Variants in TIMELESS observed in about 807,000 individuals in gnomAD.
TIMELESS encodes the protein protein timeless homolog.
In TIMELESS, 124 loss-of-function variants were observed where a neutral mutation model predicts 164.3. The observed-to-expected ratio is 0.75, with a 90% CI of 0.65 to 0.88. TIMELESS has a LOEUF of 0.88. Among genes scored for constraint, TIMELESS ranks in the 40% least tolerant of loss-of-function variants. The pLI, the probability that TIMELESS is intolerant of heterozygous loss-of-function variation, is 0.00. For missense variants in TIMELESS, 1,422 were observed against 1,491.4 expected (o/e 0.95, Z 0.77); for synonymous variants, 564 against 563.4 (o/e 1.00, Z -0.02).
At chr12:56,447,958 A>G (rs1868394745) in intron 1 of TIMELESS, among the ~76,000 whole-genome samples, 1 of 152,168 alleles carries the variant, frequency 6.6e-6, no homozygotes, top group Admixed American at 6.5e-5. Flanking sequence ...CGTGGCCAGG[A>G]GTCAGGTGCG....
intron 13 of TIMELESS, among the ~76,000 whole-genome samples, chr12:56,427,364 C>T (rs1450233012): frequency 6.6e-6 from 1 of 152,154 alleles, no homozygotes; most frequent in Non-Finnish European, 1.5e-5. Flanking sequence ...CTCAAATGAT[C>T]CACCCACTGT....
intron 1 of TIMELESS, among the ~76,000 whole-genome samples, chr12:56,440,108 A>G (rs1478776277): frequency 6.6e-6 from 1 of 151,660 alleles, no homozygotes; most frequent in African/African-American, 2.4e-5. Context: ...ATAAAATATT[A>G]AATGTATTTG....
At chr12:56,446,804 C>G (rs1868357661) in intron 1 of TIMELESS, among the ~76,000 whole-genome samples, 1 of 142,416 alleles carries the variant, frequency 7.0e-6, no homozygotes, top group South Asian at 2.1e-4. Flanking sequence ...GAGCAAAACT[C>G]CATCTCAAAA....
At chr12:56,422,448 A>G (rs914730365) in intron 19 of TIMELESS, among the ~76,000 whole-genome samples, 2 of 152,176 alleles carry the variant, frequency 1.3e-5, no homozygotes, top group South Asian at 2.1e-4. Flanking sequence ...TGAGAATATT[A>G]TGGGAAAAAG....
intron 17 of TIMELESS, 48 bp downstream of exon 17, chr12:56,423,536 G>C (rs1881570992): frequency 6.2e-7 from 1 of 1,613,034 alleles, no homozygotes; most frequent in South Asian, 1.1e-5. Context: ...CATCCTCACA[G>C]CCGCACAATC....
At chr12:56,431,318 C>T (rs1565684385) in intron 8 of TIMELESS, among the ~76,000 whole-genome samples, 153 bp downstream of exon 8, 1 of 149,306 alleles carries the variant, frequency 6.7e-6, no homozygotes, top group Non-Finnish European at 1.5e-5. Flanking sequence ...CGTGCCAGTG[C>T]ACTCCAGCCT....
intron 5 of TIMELESS, 35 bp from the exon 6 acceptor site, chr12:56,433,162 G>A (rs1483192365): frequency 1.3e-6 from 2 of 1,596,614 alleles, no homozygotes; most frequent in Admixed American, 1.7e-5. Flanking sequence ...GAGACTCCCT[G>A]TGGAAGGCAG....
In TIMELESS at chr12:56,426,403, T is replaced by A. The variant is rs949144550; in HGVS notation, c.1579-1251A>T. Among the ~76,000 whole-genome samples, 8 of 150,170 alleles carry A rather than the reference T, an allele frequency of 5.3e-5. No homozygotes were observed. In the East Asian group the frequency reaches 1.4e-3, roughly 25 times the overall value. ...ACAAAATCTTTTTTTTTTTTTTTTT[T>A]AAGACAGAATTTCACTCTTGTTGCC... On this transcript the variant is annotated intron_variant, in intron 13 of 28. Coordinates refer to ENST00000553532, the MANE Select transcript of TIMELESS (RefSeq NM_003920.5).
intron 26 of TIMELESS, among the ~76,000 whole-genome samples, chr12:56,419,805 T>G (rs1020707256): frequency 1.7e-4 from 26 of 150,896 alleles, no homozygotes; most frequent in African/African-American, 6.3e-4. Context: ...TAAACAATAA[T>G]ACACAGCCTG....
rs1273364648 is a variant in TIMELESS at position 56,433,447 on chromosome 12, T to G, written c.367-4A>C. ...AAGCCTTCTCACTGGCAAAGGCCTGTGAAATAGGGAACCTGATCTTAAGTA... is the reference window on the plus strand; with the variant it reads ...AAGCCTTCTCACTGGCAAAGGCCTGGGAAATAGGGAACCTGATCTTAAGTA... On this transcript the variant is annotated splice_polypyrimidine_tract_variant and splice_region_variant and intron_variant, in intron 4 of 28. Transcript: ENST00000553532. 1 of 1,614,216 alleles carries G rather than the reference T, an allele frequency of 6.2e-7. No homozygotes were observed.
intron 1 of TIMELESS, among the ~76,000 whole-genome samples, chr12:56,446,570 C>T (rs1003320620): frequency 5.3e-5 from 8 of 152,234 alleles, no homozygotes; most frequent in African/African-American, 1.9e-4. Flanking sequence ...GTGGCTCATG[C>T]CTGTAATCCC....
chr12:56,446,873 C>G (rs1009284311), intron 1 of TIMELESS, among the ~76,000 whole-genome samples: 3 of 151,814 alleles, frequency 2.0e-5, no homozygotes, highest in Non-Finnish European at 4.4e-5. Flanking sequence ...CAGAAGTGAC[C>G]TCCTTTTCCT....
chr12:56,447,625 A>G (rs1868381871), intron 1 of TIMELESS, among the ~76,000 whole-genome samples: 1 of 151,866 alleles, frequency 6.6e-6, no homozygotes. Flanking sequence ...AGGGTCGGGA[A>G]CTCTCCATCC....
Position 56,420,685 on chromosome 12 carries a change from A to G in TIMELESS, c.3112T>C (p.Cys1038Arg), listed in dbSNP as rs779740934. Residue 1038 changes from cysteine (C) to arginine (R), a missense_variant and splice_region_variant, in exon 26 of 29, where the codon TGC (cysteine) becomes CGC (arginine). Transcript: ENST00000553532. ...GGCACCAATGGAACGGCCTGGGAGC[A>G]GCCTAAGACAGGGTCAATAGTCATA... is the stretch of plus-strand genomic sequence containing the variant. ...RAADDREEDG[C>R]SQAVPLVPLT... 2 of 1,614,192 alleles carry G rather than the reference A, an allele frequency of 1.2e-6. No homozygotes were observed. The highest frequency in any genetic ancestry group is 2.2e-5 in the East Asian group (1 of 44,882).
At chr12:56,440,459 C>T (rs1034212739) in intron 1 of TIMELESS, among the ~76,000 whole-genome samples, 1 of 151,872 alleles carries the variant, frequency 6.6e-6, no homozygotes, top group Non-Finnish European at 1.5e-5. Context: ...TTTTTGAAGA[C>T]GAAACAAAAC....
rs1868496254 is a variant in TIMELESS, at chr12:56,449,388, C to T, written c.-140G>A. The T allele has an allele frequency of 6.6e-6, 1 of 152,378 alleles. No homozygotes were observed. Among genetic ancestry groups the T allele is most frequent in the South Asian group, 2.1e-4 (1 of 4,832 alleles). The allele number at this position is 152,378 out of a possible 1,614,324, so 9.4% of individuals were successfully genotyped here. On this transcript the variant is annotated 5_prime_UTR_variant, in exon 1 of 29. Transcript: ENST00000553532. ...GGGCCGCAGCCTTTCCGCCACCAGG[C>T]TCAGCTGGACCGGTCCCCGCCTGCG...
chr12:56,431,372 AC>A (rs1881874616), intron 8 of TIMELESS, 98 bp downstream of exon 8: 206 of 1,358,164 alleles, frequency 1.5e-4, no homozygotes, highest in Non-Finnish European at 1.8e-4. Flanking sequence ...AAAAAAAAAA[AC>A]ACTAAAATGT....
intron 3 of TIMELESS, 54 bp from the exon 4 acceptor site, chr12:56,433,706 G>GCCAAACCTATCAGCTCAAACA: frequency 6.2e-7 from 1 of 1,613,302 alleles, no homozygotes; most frequent in Non-Finnish European, 8.5e-7. Context: ...CAGCTCAAAC[G>GCCAAACCTATCAGCTCAAACA]CCAAACCTAT....
chr12:56,419,839 C>A (rs141488183), intron 26 of TIMELESS, among the ~76,000 whole-genome samples: 1 of 150,416 alleles, frequency 6.6e-6, no homozygotes, highest in South Asian at 2.1e-4. Context: ...AACCCCATCT[C>A]TACAAAAAAT....
Sources: allele counts gnomAD v4.1 joint callset (sites outside exome capture counted in the v4.1 genomes callset), GRCh38; gene constraint gnomAD v4.1.1; transcripts MANE v1.5; gene names NCBI Gene and HGNC (gene_info 2026-07-23, HGNC 2026-07-21).